The following ITPRID1 variants were observed in gnomAD, a reference collection of about 807,000 sequenced individuals.
The protein encoded by ITPRID1 is protein ITPRID1.
In ITPRID1, 96 loss-of-function variants were observed where a neutral mutation model predicts 95.4. The observed-to-expected ratio is 1.01, with a 90% CI of 0.85 to 1.19. The LOEUF (loss-of-function observed/expected upper bound fraction) is 1.19. Among genes scored for constraint, ITPRID1 ranks in the 50% most tolerant of loss-of-function variants. The pLI is 0.00. For missense variants in ITPRID1, 1,339 were observed against 1,252.9 expected, an observed-to-expected ratio of 1.07 and a Z score of -1.04; for synonymous variants, 510 against 453.6, an observed-to-expected ratio of 1.12 and a Z score of -1.58.
At chr7:31,575,460 A>G (rs2128145306) in intron 8 of ITPRID1, among the ~76,000 whole-genome samples, 1 of 152,320 alleles carries the variant, frequency 6.6e-6, no homozygotes, top group African/African-American at 2.4e-5. Flanking sequence ...GACATTACTA[A>G]GCATGTTCTT....
At chr7:31,644,233 A>G (rs1790273614) in intron 12 of ITPRID1, among the ~76,000 whole-genome samples, 1 of 152,238 alleles carries the variant, frequency 6.6e-6, no homozygotes, top group African/African-American at 2.4e-5. Context: ...CCATGCATTC[A>G]TATGTCTAAG....
intron 1 of ITPRID1, chr7:31,529,637 G>T: frequency 4.1e-6 from 3 of 739,958 alleles, no homozygotes; most frequent in South Asian, 4.0e-5. Context: ...GGCTTTCTAT[G>T]ACCAACTTTT....
chr7:31,645,819 A>T (rs1403081007), intron 12 of ITPRID1, among the ~76,000 whole-genome samples: 2 of 152,170 alleles, frequency 1.3e-5, no homozygotes, highest in African/African-American at 2.4e-5. Flanking sequence ...AAACATCCTA[A>T]AATACAGAGA....
chr7:31,562,044 T>TAAAAAA (rs33912394), intron 5 of ITPRID1, among the ~76,000 whole-genome samples: 1 of 52,512 alleles, frequency 1.9e-5, no homozygotes, highest in Non-Finnish European at 3.6e-5. Context: ...GCTATGTATT[T>TAAAAAA]AAAAAAAAAA....
intron 1 of ITPRID1, among the ~76,000 whole-genome samples, chr7:31,540,540 C>T (rs747152510): frequency 1.6e-4 from 25 of 152,112 alleles, no homozygotes; most frequent in Non-Finnish European, 3.1e-4. Flanking sequence ...CTCCAGTTTC[C>T]CATTTTTATT....
intron 10 of ITPRID1, among the ~76,000 whole-genome samples, chr7:31,620,292 G>A (rs1397939705): frequency 2.0e-5 from 3 of 152,058 alleles, no homozygotes; most frequent in Non-Finnish European, 1.5e-5. Context: ...TCTGAGAACG[G>A]GCAGACTGCC....
In ITPRID1 at chr7:31,554,888, C is replaced by G. The variant is rs767572189; in HGVS notation, c.243C>G (p.Val81=). 6.3e-7 allele frequency: 1 copy of G among 1,582,488 alleles called. No homozygotes were observed. Among genetic ancestry groups the G allele is most frequent in the South Asian group, 1.2e-5 (1 of 86,680 alleles). ...CTGCAAATGAAAACTTTCAACAAGT[C>G]ATTGACCGCACTGGTAAGACAAGAG... The part of the protein sequence containing the change: ...FVSANENFQQ[V]IDRTVSLYEQ... Residue 81 remains valine (V), a synonymous_variant, in exon 5 of 15, where the codon GTC becomes GTG. Coordinates refer to ENST00000615280, the MANE Select transcript of ITPRID1 (RefSeq NM_001257967.3).
At chr7:31,623,201 C>T (rs1265252511) in intron 10 of ITPRID1, among the ~76,000 whole-genome samples, 2 of 152,128 alleles carry the variant, frequency 1.3e-5, no homozygotes, top group Non-Finnish European at 1.5e-5. Flanking sequence ...ACCATTCCTT[C>T]TGAAACTATT....
At chr7:31,563,564 G>A (rs757472188) in intron 5 of ITPRID1, among the ~76,000 whole-genome samples, 4 of 152,192 alleles carry the variant, frequency 2.6e-5, no homozygotes, top group Non-Finnish European at 4.4e-5. Flanking sequence ...AGTGATAACT[G>A]TCGCAGGTGT....
In ITPRID1 at chr7:31,642,810, G is replaced by A; in HGVS notation, c.1440G>A (p.Arg480=). ...LESDGPDSKS[R]ASMSFSSQEA... ...CGGATGGGCCAGATTCCAAAAGTAG[G>A]GCGAGCATGTCTTTTTCAAGCCAAG... The change falls in exon 12 of 15, where the codon AGG becomes AGA. Residue 480 remains arginine (R), a synonymous_variant. Transcript: ENST00000615280. 1 of 1,613,810 alleles carries A rather than the reference G, an allele frequency of 6.2e-7. No homozygotes were observed. Among genetic ancestry groups the A allele is most frequent in the Middle Eastern group, 1.7e-4 (1 of 6,060 alleles).
Position 31,599,682 on chromosome 7 carries a change from C to T in ITPRID1, c.1228+16491C>T, listed in dbSNP as rs11980810. On this transcript the variant is annotated intron_variant, in intron 10 of 14. Transcript: ENST00000615280. ...TTCCTTTCTCTCTCTCTCTCTCTCT[C>T]TCTCTCTCTCTTTCTTTCTTTCTTT... Among the ~76,000 whole-genome samples, 34 of 144,554 alleles carry T rather than the reference C, an allele frequency of 2.4e-4. 1 individual carries two copies. The highest frequency in any genetic ancestry group is 7.9e-4 in the African/African-American group (30 of 38,168). 94.8% of individuals were successfully genotyped at this position (144,554 alleles called of 152,430 possible).
Position 31,651,978 on chromosome 7 carries a change from G to T in ITPRID1, c.2751G>T (p.Leu917=). 1 of 1,605,382 alleles carries T rather than the reference G, an allele frequency of 6.2e-7. No individual in the cohort carries two copies. Among genetic ancestry groups the T allele is most frequent in the Non-Finnish European group, 8.5e-7 (1 of 1,176,178 alleles). The change falls in exon 14 of 15, where the codon CTG becomes CTT. Residue 917 remains leucine, a synonymous_variant. Transcript: ENST00000615280. ...AACTGCAAACGTTACGTGAGGCCCT[G>T]AGGCAGCAGGTGGCAGAGTTGGAAT... ...AEQLQTLREA[L]RQQVAELEFQ...
rs1243024990 is a variant in ITPRID1 at position 31,642,672 on chromosome 7, T to TC, written c.1312-6dup. ...TGACCTGTTTCCCTTTGTCCTGGTTTCCCCTACAGATGCCTTCCTTGCCAA... is the reference window on the plus strand; with the variant it reads ...TGACCTGTTTCCCTTTGTCCTGGTTTCCCCCTACAGATGCCTTCCTTGCCAA... On this transcript the variant is annotated splice_polypyrimidine_tract_variant and intron_variant, in intron 11 of 14. Transcript: ENST00000615280. 6.2e-7 allele frequency: 1 copy of TC among 1,610,368 alleles called. No homozygotes were observed.
chr7:31,632,662 T>C (rs980246939), intron 10 of ITPRID1, among the ~76,000 whole-genome samples: 92 of 152,118 alleles, frequency 6.0e-4, no homozygotes, highest in African/African-American at 2.2e-3. Context: ...GCTGTGTGTA[T>C]GGAAGTGAAA....
chr7:31,587,362 C>T (rs1583536942), intron 10 of ITPRID1, among the ~76,000 whole-genome samples: 1 of 151,836 alleles, frequency 6.6e-6, no homozygotes, highest in East Asian at 1.9e-4. Context: ...AACAGAGAGC[C>T]AAATCATGAG....
chr7:31,515,917 G>C (rs1320932418), intron 1 of ITPRID1, among the ~76,000 whole-genome samples: 1 of 152,166 alleles, frequency 6.6e-6, no homozygotes, highest in African/African-American at 2.4e-5. Flanking sequence ...CTGAGCTTCT[G>C]TTTCATATAA....
At chr7:31,557,991 G>A (rs1050511064) in intron 5 of ITPRID1, among the ~76,000 whole-genome samples, 1 of 152,176 alleles carries the variant, frequency 6.6e-6, no homozygotes, top group Non-Finnish European at 1.5e-5. Flanking sequence ...ACTTTTGATA[G>A]GTAATTAGGT....
rs75041587 is a variant in ITPRID1, at chr7:31,529,538, C to T, written c.-98+15418C>T. On this transcript the variant is annotated intron_variant, in intron 1 of 14. Coordinates refer to ENST00000615280, the MANE Select transcript of ITPRID1 (RefSeq NM_001257967.3). ...GCCATTCCTAATGACATTTTTACCA[C>T]TTTCTTTCTTGTAGAGAAGTGGGTA... 21 of 455,784 alleles carry T rather than the reference C, an allele frequency of 4.6e-5. No homozygotes were observed. The East Asian group carries it at 6.4e-4, about 14-fold the overall frequency. The allele number at this position is 455,784 out of a possible 1,614,324, so 28.2% of individuals were successfully genotyped here. A position where few individuals can be genotyped will look rare whatever the true frequency, so the allele number is the denominator to read the frequency against.
At chr7:31,606,106 G>C (rs1436559590) in intron 10 of ITPRID1, among the ~76,000 whole-genome samples, 1 of 152,080 alleles carries the variant, frequency 6.6e-6, no homozygotes, top group African/African-American at 2.4e-5. Flanking sequence ...TGGTCTAAGG[G>C]AGTTTCAAAG....
Sources: gnomAD v4.1 joint callset for allele counts (sites outside exome capture counted in the v4.1 genomes callset) on GRCh38, gnomAD v4.1.1 for gene constraint, MANE v1.5 for transcripts, NCBI Gene and HGNC (gene_info 2026-07-23, HGNC 2026-07-21) for gene names.